The following DPP6 variants were observed in gnomAD, a reference collection of about 807,000 sequenced individuals.
DPP6 encodes the protein dipeptidyl peptidase like 6.
In DPP6, 69 loss-of-function variants were observed where a neutral mutation model predicts 122.6. The observed-to-expected ratio is 0.56, with a 90% CI of 0.46 to 0.69. DPP6 has a LOEUF of 0.69. Among genes scored for constraint, DPP6 ranks in the 30% least tolerant of loss-of-function variants. The probability of loss-of-function intolerance (pLI) is 0.00; values close to 1 mark genes in which losing one functional copy is unlikely to be tolerated. For synonymous variants in DPP6, 418 were observed against 433.1 expected, an observed-to-expected ratio of 0.97 and a Z score of 0.43; for missense variants, 928 against 1,116.9, an observed-to-expected ratio of 0.83 and a Z score of 2.41.
chr7:154,807,433 C>A (rs1340470896), intron 16 of DPP6, among the ~76,000 whole-genome samples: 2 of 152,124 alleles, frequency 1.3e-5, no homozygotes, highest in East Asian at 3.8e-4. Context: ...CTAGGAAGGG[C>A]AAATATCCTA....
intron 4 of DPP6, among the ~76,000 whole-genome samples, chr7:154,557,887 A>G (rs1033951585): frequency 1.3e-5 from 2 of 152,142 alleles, no homozygotes; most frequent in Non-Finnish European, 2.9e-5. Context: ...AAAAGGAGGA[A>G]ACTAGAGAAT....
intron 1 of DPP6, among the ~76,000 whole-genome samples, chr7:154,258,358 A>G (rs995090810): frequency 2.0e-5 from 3 of 152,212 alleles, no homozygotes; most frequent in Non-Finnish European, 4.4e-5. Flanking sequence ...TACCTGTTTG[A>G]GAGATGAAAA....
At chr7:154,790,774 A>G (rs2150420797) in intron 10 of DPP6, among the ~76,000 whole-genome samples, 1 of 145,796 alleles carries the variant, frequency 6.9e-6, no homozygotes, top group East Asian at 2.2e-4. Context: ...CCTCAGTGCA[A>G]CAGCCTCATA....
chr7:154,444,244 T>G (rs1586290058), intron 1 of DPP6, among the ~76,000 whole-genome samples: 1 of 151,162 alleles, frequency 6.6e-6, no homozygotes, highest in African/African-American at 2.4e-5. Context: ...GATCGCAAGG[T>G]CAGGAGATTA....
At chr7:154,384,511 G>A (rs1017732547) in intron 1 of DPP6, among the ~76,000 whole-genome samples, 2 of 152,116 alleles carry the variant, frequency 1.3e-5, no homozygotes, top group African/African-American at 4.8e-5. Context: ...GTGGTGTCTT[G>A]ATGAGGCACT....
At chr7:153,942,544 G>A (rs1801745349) in intron 1 of DPP6, among the ~76,000 whole-genome samples, 1 of 152,164 alleles carries the variant, frequency 6.6e-6, no homozygotes, top group African/African-American at 2.4e-5. Context: ...GTAATGGGGA[G>A]GAGAGAGGGC....
At chr7:154,010,104 A>G (rs533568141) in intron 1 of DPP6, among the ~76,000 whole-genome samples, 3 of 152,206 alleles carry the variant, frequency 2.0e-5, no homozygotes, top group Non-Finnish European at 4.4e-5. Context: ...CTGCCCTGAG[A>G]CTGACTTGCC....
intron 1 of DPP6, among the ~76,000 whole-genome samples, chr7:154,097,343 TA>T (rs1805400799): frequency 6.6e-6 from 1 of 152,224 alleles, no homozygotes; most frequent in African/African-American, 2.4e-5. Flanking sequence ...AATGATCGCT[TA>T]TTCCGAGGCC....
chr7:154,406,884 C>T (rs1816162385), intron 1 of DPP6, among the ~76,000 whole-genome samples: 1 of 152,148 alleles, frequency 6.6e-6, no homozygotes, highest in African/African-American at 2.4e-5. Flanking sequence ...TGGATCATGA[C>T]CACACATCTG....
intron 10 of DPP6, among the ~76,000 whole-genome samples, chr7:154,777,383 G>A (rs866577350): frequency 3.0e-4 from 46 of 152,162 alleles, no homozygotes; most frequent in African/African-American, 1.0e-3. Flanking sequence ...AACTAAGAGC[G>A]GTGGGCCCAG....
chr7:154,477,562 G>A (rs1459993945), intron 3 of DPP6, among the ~76,000 whole-genome samples: 1 of 152,012 alleles, frequency 6.6e-6, no homozygotes, highest in Non-Finnish European at 1.5e-5. Context: ...GAGATGTGGA[G>A]ACACAAGAGC....
At chr7:154,848,376 AGAT>A in intron 16 of DPP6, among the ~76,000 whole-genome samples, 1 of 152,204 alleles carries the variant, frequency 6.6e-6, no homozygotes, top group Non-Finnish European at 1.5e-5. Flanking sequence ...CACAGGTGTG[AGAT>A]GATATCTTAT....
chr7:154,121,440 C>T (rs1456357621), intron 1 of DPP6, among the ~76,000 whole-genome samples: 3 of 152,290 alleles, frequency 2.0e-5, no homozygotes, highest in Non-Finnish European at 2.9e-5. Context: ...GTTTTTATTG[C>T]ATTCCCTAAG....
At chr7:154,016,436 T>C (rs942832869) in intron 1 of DPP6, among the ~76,000 whole-genome samples, 6 of 151,640 alleles carry the variant, frequency 4.0e-5, no homozygotes, top group African/African-American at 1.2e-4. Context: ...GTAACTGGTA[T>C]GCGTAGTAAT....
chr7:153,760,949 A>C, the DPP6 span, among the ~76,000 whole-genome samples: 1 of 152,074 alleles, frequency 6.6e-6, no homozygotes, highest in East Asian at 1.9e-4. Flanking sequence ...CCTTTAGCGC[A>C]AACTGTAGCT....
intron 7 of DPP6, among the ~76,000 whole-genome samples, chr7:154,693,989 G>A (rs1362615029): frequency 3.3e-5 from 5 of 152,282 alleles, no homozygotes; most frequent in African/African-American, 7.2e-5. Context: ...TAACAATATC[G>A]TAGACTGGGG....
chr7:154,757,321 T>C (rs976760830), intron 8 of DPP6, among the ~76,000 whole-genome samples: 2 of 152,104 alleles, frequency 1.3e-5, no homozygotes, highest in Non-Finnish European at 2.9e-5. Context: ...GGTGTGCAGG[T>C]CCCTCCCTGC....
At chr7:153,795,338 C>A in the DPP6 span, among the ~76,000 whole-genome samples, 1 of 152,196 alleles carries the variant, frequency 6.6e-6, no homozygotes, top group African/African-American at 2.4e-5. Context: ...CTGCTTGAAT[C>A]CAGGAGGTGG....
chr7:154,686,693 G>A (rs1463689), intron 7 of DPP6, among the ~76,000 whole-genome samples: 99,495 of 152,018 alleles, frequency 0.65, 32,781 homozygotes, highest in East Asian at 0.81. Flanking sequence ...GGTGTGCAGA[G>A]CCCTTTCAGA....
Sources: gnomAD v4.1 joint callset for allele counts (sites outside exome capture counted in the v4.1 genomes callset) on GRCh38, gnomAD v4.1.1 for gene constraint, MANE v1.5 for transcripts, NCBI Gene and HGNC (gene_info 2026-07-23, HGNC 2026-07-21) for gene names.